KANK1: variants seen among roughly 807,000 people sequenced by gnomAD.
KANK1 encodes KN motif and ankyrin repeat domains 1.
Under a neutral mutation model 106.2 loss-of-function variants are expected in KANK1, and 109 were observed. The ratio of observed to expected loss-of-function variants is 1.03; its 90% CI spans 0.88 to 1.20. The LOEUF (loss-of-function observed/expected upper bound fraction) is 1.20, where lower values mean the gene tolerates loss of function less well. KANK1 is among the 50% of genes most tolerant of loss of function. The pLI, the probability that KANK1 is intolerant of heterozygous loss-of-function variation, is 0.00. For synonymous variants in KANK1, 873 were observed against 652.2 expected, an observed-to-expected ratio of 1.34 and a Z score of -5.16; for missense variants, 2,399 against 1,710.7, an observed-to-expected ratio of 1.40 and a Z score of -7.10.
chr9:635,489 A>G (rs574846720), intron 1 of KANK1, among the ~76,000 whole-genome samples: 3 of 151,914 alleles, frequency 2.0e-5, no homozygotes, highest in Admixed American at 2.0e-4. Context: ...TGCTAAGACT[A>G]ATACCACGCA....
At chr9:728,640 G>A (rs1002802432) in intron 3 of KANK1, among the ~76,000 whole-genome samples, 2 of 152,220 alleles carry the variant, frequency 1.3e-5, no homozygotes, top group African/African-American at 4.8e-5. Context: ...GGTCTGAAAA[G>A]AGACATTTAC....
intron 1 of KANK1, among the ~76,000 whole-genome samples, chr9:602,358 C>T (rs2135891105): frequency 6.6e-6 from 1 of 151,878 alleles, no homozygotes; most frequent in South Asian, 2.1e-4. Context: ...CTCCTGGGTT[C>T]AAGCGACTCT....
intron 1 of KANK1, among the ~76,000 whole-genome samples, chr9:645,964 G>GAAATGCTTAGTCA (rs1839585037): frequency 6.6e-6 from 1 of 150,886 alleles, no homozygotes; most frequent in South Asian, 2.1e-4. Context: ...AACACTTATT[G>GAAATGCTTAGTCA]AATGCTTACC....
chr9:592,477 C>T (rs1244350213), intron 1 of KANK1, among the ~76,000 whole-genome samples: 1 of 133,170 alleles, frequency 7.5e-6, no homozygotes, highest in Non-Finnish European at 1.6e-5. Flanking sequence ...TCTGTGAGCA[C>T]CCCGATCCCC....
rs369619698 is a variant in KANK1 at position 643,503 on chromosome 9, T to A, written c.-83-33387T>A. On this transcript the variant is annotated intron_variant, in intron 1 of 11. Transcript: ENST00000382297. Reference sequence around the variant, plus strand: ...GAATTTGGTTTAAAAGCAAAAGATTTTTAACATAAATAAACCAGAATTTGC... The same window carrying A: ...GAATTTGGTTTAAAAGCAAAAGATTATTAACATAAATAAACCAGAATTTGC... Among the ~76,000 whole-genome samples, 6 of 150,300 alleles carry A rather than the reference T, an allele frequency of 4.0e-5. No individual in the cohort carries two copies. The East Asian group carries it at 9.6e-4, about 24-fold the overall frequency.
At position 742,389 on chromosome 9, in the gene KANK1, G is replaced by A. The variant is rs368040499; in HGVS notation, c.3881G>A (p.Gly1294Asp). The part of the protein sequence containing the change: ...KLLLAQPGCN[G>D]HLEDNDGSTA... ...CTGCTGGCCCAGCCCGGCTGCAACGGTCACCTAGAGGACAACGTAAGCTGT... is the reference window on the plus strand; with the variant it reads ...CTGCTGGCCCAGCCCGGCTGCAACGATCACCTAGAGGACAACGTAAGCTGT... Residue 1294 changes from glycine to aspartate, a missense_variant, in exon 10 of 12, where the codon GGT (glycine) becomes GAT (aspartate). Coordinates refer to ENST00000382297, the MANE Select transcript of KANK1 (RefSeq NM_015158.5). The A allele has an allele frequency of 1.6e-5, 26 of 1,613,412 alleles. No individual in the cohort carries two copies. The highest frequency in any genetic ancestry group is 1.8e-5 in the Non-Finnish European group (21 of 1,179,756).
intron 1 of KANK1, among the ~76,000 whole-genome samples, chr9:601,246 C>G (rs1173392119): frequency 6.6e-6 from 1 of 151,820 alleles, no homozygotes; most frequent in Non-Finnish European, 1.5e-5. Flanking sequence ...ATATAATTAT[C>G]AAAATTGGGA....
intron 1 of KANK1, among the ~76,000 whole-genome samples, chr9:541,328 A>G (rs1193543831): frequency 6.6e-6 from 1 of 152,194 alleles, no homozygotes; most frequent in South Asian, 2.1e-4. Flanking sequence ...CAATGGGGAA[A>G]AGAGAGTCTT....
intron 1 of KANK1, among the ~76,000 whole-genome samples, chr9:578,727 G>T (rs2135190314): frequency 6.6e-6 from 1 of 152,246 alleles, no homozygotes; most frequent in South Asian, 2.1e-4. Flanking sequence ...TTACCCTCAA[G>T]AAATTGTACT....
intron 1 of KANK1, among the ~76,000 whole-genome samples, chr9:578,750 G>A (rs1268252243): frequency 6.6e-6 from 1 of 152,100 alleles, no homozygotes. Context: ...GATGTTTATG[G>A]GAGAAATTAT....
intron 1 of KANK1, among the ~76,000 whole-genome samples, chr9:670,318 T>C (rs1845585053): frequency 6.6e-6 from 1 of 152,214 alleles, no homozygotes; most frequent in Non-Finnish European, 1.5e-5. Flanking sequence ...TTATTATTTA[T>C]TCCAATCTTC....
intron 1 of KANK1, among the ~76,000 whole-genome samples, chr9:588,331 T>C (rs1159300363): frequency 6.6e-6 from 1 of 152,214 alleles, no homozygotes; most frequent in East Asian, 1.9e-4. Flanking sequence ...TTTCTTGTTA[T>C]TTACTTTTAG....
In KANK1 at chr9:664,567, A is replaced by T. The variant is rs541290029; in HGVS notation, c.-83-12323A>T. 9.2e-5 allele frequency among the ~76,000 whole-genome samples: 14 copies of T among 152,188 alleles called. No individual in the cohort carries two copies. In the South Asian group the frequency reaches 1.7e-3, roughly 18 times the overall value. ...CTGCCTTGGCCTCCACATTTTCTTT[A>T]TTCATCCATTGATGGACACTTAGGT... On this transcript the variant is annotated intron_variant, in intron 1 of 11. Transcript: ENST00000382297.
At chr9:494,643 C>T (rs1372524582) in intron 3 of KANK1, among the ~76,000 whole-genome samples, 3 of 152,218 alleles carry the variant, frequency 2.0e-5, no homozygotes, top group Non-Finnish European at 4.4e-5. Context: ...TGGAGCAATA[C>T]ACGTGACAAG....
intron 1 of KANK1, among the ~76,000 whole-genome samples, chr9:515,415 C>G (rs12345761): frequency 0.067 from 9,819 of 147,546 alleles, 447 homozygotes; most frequent in South Asian, 0.098. Flanking sequence ...TCTTTAACCA[C>G]TCTAGCTTTT....
intron 9 of KANK1, among the ~76,000 whole-genome samples, chr9:741,333 T>TC (rs1835438097): frequency 6.6e-6 from 1 of 151,882 alleles, no homozygotes; most frequent in Non-Finnish European, 1.5e-5. Context: ...GACTTTTTTT[T>TC]TTTTAAGAGA....
intron 1 of KANK1, among the ~76,000 whole-genome samples, chr9:638,748 CT>C (rs1837709982): frequency 6.6e-6 from 1 of 152,146 alleles, no homozygotes; most frequent in Non-Finnish European, 1.5e-5. Context: ...CCTTCTAATT[CT>C]TTTCTGTAGA....
chr9:593,744 T>C (rs1258952038), intron 1 of KANK1, among the ~76,000 whole-genome samples: 1 of 151,790 alleles, frequency 6.6e-6, no homozygotes, highest in African/African-American at 2.4e-5. Context: ...GAGGAAGAAA[T>C]GGAGACTCCA....
At chr9:741,487 CTTTTTTTT>C (rs71314737) in intron 9 of KANK1, among the ~76,000 whole-genome samples, 18,140 of 109,754 alleles carry the variant, frequency 0.17, 2,292 homozygotes, top group African/African-American at 0.39. Context: ...CCACACCTGG[CTTTTTTTT>C]TTTTTTTTTT....
Sources: allele counts gnomAD v4.1 joint callset (sites outside exome capture counted in the v4.1 genomes callset), GRCh38; gene constraint gnomAD v4.1.1; transcripts MANE v1.5; gene names NCBI Gene and HGNC (gene_info 2026-07-23, HGNC 2026-07-21).